The following ESYT2 variants were observed in gnomAD, a reference collection of about 807,000 sequenced individuals.
ESYT2 encodes extended synaptotagmin 2.
Under a neutral mutation model 107.2 loss-of-function variants are expected in ESYT2, and 54 were observed. That is an observed-to-expected ratio of 0.50 (90% confidence interval 0.40 to 0.63). The LOEUF (loss-of-function observed/expected upper bound fraction) is 0.63. Among genes scored for constraint, ESYT2 ranks in the 30% least tolerant of loss-of-function variants. The pLI, the probability that ESYT2 is intolerant of heterozygous loss-of-function variation, is 0.00. For synonymous variants in ESYT2, 491 were observed against 434.1 expected (o/e 1.13, Z -1.63); for missense variants, 1,020 against 1,094.5 (o/e 0.93, Z 0.96).
intron 8 of ESYT2, among the ~76,000 whole-genome samples, 160 bp downstream of exon 8, chr7:158,767,494 T>C (rs1838202775): frequency 6.6e-6 from 1 of 152,286 alleles, no homozygotes; most frequent in Admixed American, 6.5e-5. Flanking sequence ...TCAAGTCTCT[T>C]AAGGAAAGTG....
intron 13 of ESYT2, among the ~76,000 whole-genome samples, chr7:158,753,355 C>T (rs1034701453): frequency 6.6e-5 from 10 of 152,140 alleles, no homozygotes; most frequent in African/African-American, 1.7e-4. Context: ...CGTCCTTTTC[C>T]GGGGTAGGAG....
chr7:158,763,568 T>G (rs1279509206), intron 9 of ESYT2, among the ~76,000 whole-genome samples: 1 of 152,148 alleles, frequency 6.6e-6, no homozygotes, highest in African/African-American at 2.4e-5. Context: ...GCGTTGGGAT[T>G]ACCAGTGTGA....
At chr7:158,772,821 A>G (rs953443134) in intron 7 of ESYT2, among the ~76,000 whole-genome samples, 2 of 151,366 alleles carry the variant, frequency 1.3e-5, no homozygotes. Context: ...CACCTCTCAC[A>G]CTCAAGAGTT....
At chr7:158,748,785 T>C (rs1237400389) in intron 15 of ESYT2, among the ~76,000 whole-genome samples, 1 of 151,516 alleles carries the variant, frequency 6.6e-6, no homozygotes, top group East Asian at 1.9e-4. Context: ...AGTGGCGCAA[T>C]CTCAGCTCAC....
intron 14 of ESYT2, among the ~76,000 whole-genome samples, chr7:158,752,195 A>T (rs1027091673): frequency 1.3e-5 from 2 of 152,260 alleles, no homozygotes; most frequent in Non-Finnish European, 2.9e-5. Context: ...ACATTAAATC[A>T]TAAGAAAACT....
At chr7:158,817,858 A>C (rs564709196) in intron 1 of ESYT2, among the ~76,000 whole-genome samples, 2 of 152,374 alleles carry the variant, frequency 1.3e-5, no homozygotes, top group South Asian at 2.1e-4. Context: ...TAATTTTAGC[A>C]ATTTGATACT....
chr7:158,740,880 C>A (rs1003045595), intron 18 of ESYT2, among the ~76,000 whole-genome samples: 1 of 152,114 alleles, frequency 6.6e-6, no homozygotes, highest in Non-Finnish European at 1.5e-5. Context: ...TCTTATTATT[C>A]AACACACCTC....
At position 158,749,727 on chromosome 7, in the gene ESYT2, C is replaced by T; in HGVS notation, c.1483-4G>A. The stretch of plus-strand genomic sequence containing the variant: ...TGCTGCTTATTTTCTTCCCTGACTA[C>T]CCAAAACAAACAGAAAACAGACAAA... On this transcript the variant is annotated splice_region_variant and splice_polypyrimidine_tract_variant and intron_variant, in intron 14 of 22. Coordinates refer to ENST00000275418, the MANE Select transcript of ESYT2 (RefSeq NM_001367773.1). The T allele has an allele frequency of 1.9e-6, 3 of 1,612,944 alleles. No homozygotes were observed. The highest frequency in any genetic ancestry group is 2.2e-5 in the East Asian group (1 of 44,826).
chr7:158,741,988 T>C, intron 17 of ESYT2, 92 bp from the exon 18 acceptor site: 8 of 1,426,174 alleles, frequency 5.6e-6, no homozygotes, highest in Non-Finnish European at 7.4e-6. Flanking sequence ...CCTGCAAAAA[T>C]TTCTTTAAAA....
At chr7:158,823,288 C>G (rs1840337770) in intron 1 of ESYT2, among the ~76,000 whole-genome samples, 1 of 85,626 alleles carries the variant, frequency 1.2e-5, no homozygotes. Context: ...GAGTGAGACT[C>G]TGTCTCAAAA....
chr7:158,770,789 A>C (rs1838338851), intron 7 of ESYT2, among the ~76,000 whole-genome samples: 1 of 152,268 alleles, frequency 6.6e-6, no homozygotes, highest in South Asian at 2.1e-4. Context: ...TGCTGGGATT[A>C]CAGGCGTGAG....
rs973419374 is a variant in ESYT2 at position 158,733,922 on chromosome 7, C to T, written c.*285G>A. 40 of 419,558 alleles carry T rather than the reference C, an allele frequency of 9.5e-5. No individual in the cohort carries two copies. The highest frequency in any genetic ancestry group is 3.6e-4 in the African/African-American group (18 of 49,728). 26.0% of individuals were successfully genotyped at this position (419,558 alleles called of 1,614,324 possible). ...GGCCATAATAAAGCACAGACACATC[C>T]GACTCCTACGGACACAGCTGAGCAG... is the stretch of plus-strand genomic sequence containing the variant. On this transcript the variant is annotated 3_prime_UTR_variant, in exon 23 of 23. Coordinates refer to ENST00000275418, the MANE Select transcript of ESYT2 (RefSeq NM_001367773.1).
At chr7:158,786,001 ACT>A (rs1839101704) in intron 6 of ESYT2, among the ~76,000 whole-genome samples, 1 of 152,116 alleles carries the variant, frequency 6.6e-6, no homozygotes, top group African/African-American at 2.4e-5. Context: ...GCCAGCTGTA[ACT>A]CTGTTCTCAT....
intron 1 of ESYT2, among the ~76,000 whole-genome samples, chr7:158,828,288 CAGAG>C (rs1248316248): frequency 2.0e-5 from 3 of 152,352 alleles, no homozygotes; most frequent in South Asian, 2.1e-4. Flanking sequence ...TTTTAAAAAA[CAGAG>C]AGAAGGAAAA....
chr7:158,770,390 T>C (rs963866306), intron 7 of ESYT2, among the ~76,000 whole-genome samples: 2 of 151,652 alleles, frequency 1.3e-5, no homozygotes, highest in African/African-American at 2.4e-5. Flanking sequence ...ATATATAAAC[T>C]TAGAAAAGAT....
chr7:158,764,922 C>G, intron 8 of ESYT2, 69 bp from the exon 9 acceptor site: 5 of 1,473,762 alleles, frequency 3.4e-6, no homozygotes, highest in Non-Finnish European at 4.7e-6. Flanking sequence ...AAGATAGCTA[C>G]GCACCTAACC....
At chr7:158,766,328 G>C (rs368926636) in intron 8 of ESYT2, among the ~76,000 whole-genome samples, 1 of 152,132 alleles carries the variant, frequency 6.6e-6, no homozygotes, top group South Asian at 2.1e-4. Flanking sequence ...TGACAGCACC[G>C]GCTGTTAAGC....
At chr7:158,763,611 A>G (rs1170058021) in intron 9 of ESYT2, among the ~76,000 whole-genome samples, 1 of 152,002 alleles carries the variant, frequency 6.6e-6, no homozygotes, top group East Asian at 1.9e-4. Context: ...TTCTTTTAGG[A>G]CACTTATTTT....
At chr7:158,735,180 C>T (rs963029948) in intron 21 of ESYT2, among the ~76,000 whole-genome samples, 6 of 152,090 alleles carry the variant, frequency 3.9e-5, no homozygotes, top group African/African-American at 1.2e-4. Context: ...ATGTGAAATA[C>T]GGACAAAGAG....
Sources: allele counts gnomAD v4.1 joint callset (sites outside exome capture counted in the v4.1 genomes callset), GRCh38; gene constraint gnomAD v4.1.1; transcripts MANE v1.5; gene names NCBI Gene and HGNC (gene_info 2026-07-23, HGNC 2026-07-21).